The following HOOK1 variants were observed in gnomAD, a reference collection of about 807,000 sequenced individuals.
HOOK1 encodes the protein hook microtubule tethering protein 1, also known as protein Hook homolog 1.
In HOOK1, 60 loss-of-function variants were observed where a neutral mutation model predicts 112.8. The ratio of observed to expected loss-of-function variants is 0.53; its 90% CI spans 0.43 to 0.66. The LOEUF is 0.66. HOOK1 is among the 30% of genes least tolerant of loss of function. The pLI is 0.00. For synonymous variants in HOOK1, 294 were observed against 283.8 expected (o/e 1.04, Z -0.36); for missense variants, 770 against 856.0 (o/e 0.90, Z 1.25).
At chr1:59,849,655 C>T (rs2098406077) in intron 12 of HOOK1, among the ~76,000 whole-genome samples, 1 of 151,648 alleles carries the variant, frequency 6.6e-6, no homozygotes, top group Non-Finnish European at 1.5e-5. Context: ...CTCTAATCCT[C>T]TCAGCCCTAC....
intron 21 of HOOK1, among the ~76,000 whole-genome samples, chr1:59,872,521 T>TG (rs36068063): frequency 0.2 from 29,959 of 152,074 alleles, 4,052 homozygotes; most frequent in African/African-American, 0.39. Context: ...CACAAAAATT[T>TG]TTATAATTAA....
chr1:59,815,401 G>T, intron 1 of HOOK1: 2 of 581,542 alleles, frequency 3.4e-6, no homozygotes, highest in South Asian at 4.0e-5. Context: ...GGAAGCTCTG[G>T]GAGCGTAACA....
At chr1:59,866,050 C>T in intron 19 of HOOK1, 78 bp downstream of exon 19, 1 of 774,500 alleles carries the variant, frequency 1.3e-6, no homozygotes. Context: ...ATTTTTCTGC[C>T]ATTCTTGTAT....
intron 12 of HOOK1, among the ~76,000 whole-genome samples, chr1:59,852,578 T>G (rs2098407731): frequency 2.0e-5 from 3 of 151,590 alleles, no homozygotes; most frequent in African/African-American, 7.2e-5. Flanking sequence ...TTGTCAATTT[T>G]GTTGATCTTT....
At chr1:59,823,686 T>C (rs2098387618) in intron 2 of HOOK1, among the ~76,000 whole-genome samples, 1 of 152,262 alleles carries the variant, frequency 6.6e-6, no homozygotes, top group African/African-American at 2.4e-5. Context: ...TATAGCTCTT[T>C]GACCTCCTAT....
intron 1 of HOOK1, among the ~76,000 whole-genome samples, chr1:59,816,597 A>G (rs556260899): frequency 1.3e-5 from 2 of 152,330 alleles, no homozygotes; most frequent in African/African-American, 4.8e-5. Context: ...GTGTTGTAAT[A>G]TTTTAAAATA....
At chr1:59,822,470 T>C (rs2102005149) in intron 2 of HOOK1, among the ~76,000 whole-genome samples, 1 of 152,316 alleles carries the variant, frequency 6.6e-6, no homozygotes, top group South Asian at 2.1e-4. Context: ...AAGTCACAGG[T>C]ACTGGGAAAC....
intron 12 of HOOK1, among the ~76,000 whole-genome samples, chr1:59,851,471 G>T (rs1446570835): frequency 2.6e-5 from 4 of 151,468 alleles, no homozygotes; most frequent in Non-Finnish European, 5.9e-5. Flanking sequence ...TTTGTTAACT[G>T]CTAATATGTA....
chr1:59,872,092 CTA>C (rs1644063912), intron 21 of HOOK1, among the ~76,000 whole-genome samples: 1 of 152,070 alleles, frequency 6.6e-6, no homozygotes, highest in Non-Finnish European at 1.5e-5. Context: ...TTTTTTCAGC[CTA>C]TATTTGTTGA....
rs1160800459 is a variant in HOOK1 at position 59,854,027 on chromosome 1, TATATATATATA to T, written c.1243-4400_1243-4390del. Among the ~76,000 whole-genome samples the T allele has an allele frequency of 1.3e-3, 37 of 29,284 alleles. 1 individual carries two copies. The highest frequency in any genetic ancestry group is 2.4e-3 in the African/African-American group (16 of 6,582). The allele number at this position is 29,284 out of a possible 152,430, so 19.2% of individuals were successfully genotyped here. On this transcript the variant is annotated intron_variant, in intron 12 of 21. Transcript: ENST00000371208. Reference sequence around the variant, plus strand: ...ATATATATATATATATATATATATATATATATATATATTTTTTTTTTTTTTTTTTTTTTTTT... The same window carrying T: ...ATATATATATATATATATATATATATTTTTTTTTTTTTTTTTTTTTTTTTT...
rs1212242557 is a variant in HOOK1, at chr1:59,840,383, G to C, written c.613G>C (p.Asp205His). The C allele has an allele frequency of 1.3e-6, 2 of 1,567,202 alleles. No individual in the cohort carries two copies. Among genetic ancestry groups the C allele is most frequent in the Admixed American group, 1.9e-5 (1 of 53,162 alleles). Reference protein sequence around the residue: ...EELRQRCEELDMQVTTLQDEK... With the variant: ...EELRQRCEELHMQVTTLQDEK... ...GCTGAGGCAAAGATGTGAAGAATTG[G>C]ATATGCAGGTACGGGAAAAAACCCT... The change falls in exon 8 of 22, where the codon GAT becomes CAT. Residue 205 changes from aspartate (D) to histidine (H), a missense_variant. By Grantham distance (81) the Asp-to-His change is moderately conservative. Transcript: ENST00000371208.
At chr1:59,843,372 G>C in intron 8 of HOOK1, 60 bp from the exon 9 acceptor site, 1 of 1,280,032 alleles carries the variant, frequency 7.8e-7, no homozygotes, top group East Asian at 2.4e-5. Flanking sequence ...ACTCTAATAA[G>C]AATTTTTATT....
intron 1 of HOOK1, among the ~76,000 whole-genome samples, chr1:59,819,144 T>C (rs1363580460): frequency 1.2e-5 from 1 of 83,478 alleles, no homozygotes; most frequent in Non-Finnish European, 2.7e-5. Context: ...AAGCATTTTT[T>C]TTTTTTTTTT....
chr1:59,853,328 A>C (rs2098408265), intron 12 of HOOK1, among the ~76,000 whole-genome samples: 2 of 151,546 alleles, frequency 1.3e-5, no homozygotes, highest in African/African-American at 4.8e-5. Context: ...TATCTTCCTG[A>C]TAGATTGATT....
At chr1:59,843,740 T>A (rs1351605550) in intron 9 of HOOK1, 142 bp downstream of exon 9, 1 of 633,992 alleles carries the variant, frequency 1.6e-6, no homozygotes, top group Non-Finnish European at 2.6e-6. Flanking sequence ...CCAGATGGTA[T>A]AAGTGGTTCC....
At chr1:59,821,160 C>A (rs2098385300) in intron 1 of HOOK1, among the ~76,000 whole-genome samples, 2 of 152,060 alleles carry the variant, frequency 1.3e-5, no homozygotes, top group Admixed American at 6.6e-5. Flanking sequence ...GTTTATGATC[C>A]ATTTTAGCTC....
intron 12 of HOOK1, 76 bp downstream of exon 12, chr1:59,849,259 C>G: frequency 1.1e-6 from 1 of 910,008 alleles, no homozygotes; most frequent in Non-Finnish European, 1.7e-6. Flanking sequence ...TTTCTATAAT[C>G]GTGGTGATGT....
chr1:59,856,569 T>C (rs903525831), intron 12 of HOOK1, among the ~76,000 whole-genome samples: 3 of 152,136 alleles, frequency 2.0e-5, no homozygotes, highest in Non-Finnish European at 4.4e-5. Context: ...AAATTTCAAA[T>C]CTGGAAATCA....
At chr1:59,870,885 A>G in intron 20 of HOOK1, 157 bp from the exon 21 acceptor site, 1 of 576,862 alleles carries the variant, frequency 1.7e-6, no homozygotes, top group Non-Finnish European at 3.1e-6. Context: ...TTGGGCATGC[A>G]TTTGTGCTTG....
Sources: gnomAD v4.1 joint callset for allele counts (sites outside exome capture counted in the v4.1 genomes callset) on GRCh38, gnomAD v4.1.1 for gene constraint, MANE v1.5 for transcripts, NCBI Gene and HGNC (gene_info 2026-07-23, HGNC 2026-07-21) for gene names.